DNAH17: variants seen among roughly 807,000 people sequenced by gnomAD.
DNAH17 encodes axonemal beta dynein heavy chain 17.
In DNAH17, 376 loss-of-function variants were observed where a neutral mutation model predicts 485.6. That is an observed-to-expected ratio of 0.77 (90% confidence interval 0.71 to 0.84). The LOEUF (loss-of-function observed/expected upper bound fraction) is 0.84. Among genes scored for constraint, DNAH17 ranks in the 40% least tolerant of loss-of-function variants. The pLI, the probability that DNAH17 is intolerant of heterozygous loss-of-function variation, is 0.00. For missense variants in DNAH17, 6,370 were observed against 5,839.3 expected (o/e 1.09, Z -2.96); for synonymous variants, 3,031 against 2,405.9 (o/e 1.26, Z -7.60).
At chr17:78,560,578 C>T (rs1391446743) in intron 13 of DNAH17, among the ~76,000 whole-genome samples, 162 bp downstream of exon 13, 1 of 152,148 alleles carries the variant, frequency 6.6e-6, no homozygotes, top group African/African-American at 2.4e-5. Flanking sequence ...CTTCTGCTTT[C>T]CCTCATGTCT....
intron 25 of DNAH17, among the ~76,000 whole-genome samples, chr17:78,515,271 G>C (rs2090750916): frequency 6.6e-6 from 1 of 152,222 alleles, no homozygotes; most frequent in Non-Finnish European, 1.5e-5. Flanking sequence ...TACTTTGGGA[G>C]GCCGAGGTGA....
chr17:78,573,062 G>A (rs1021724134), intron 2 of DNAH17, among the ~76,000 whole-genome samples, 168 bp from the exon 3 acceptor site: 7 of 152,150 alleles, frequency 4.6e-5, no homozygotes, highest in Middle Eastern at 3.2e-3. Context: ...CCTGGTGTCT[G>A]GAGCCCTGGG....
rs148192187 is a variant in DNAH17, at chr17:78,455,412, G to A, written c.10170+232C>T. 9.7e-3 allele frequency among the ~76,000 whole-genome samples: 1,462 copies of A among 151,408 alleles called. 20 individuals carry two copies. Among genetic ancestry groups the A allele is most frequent in the African/African-American group, 0.034 (1,403 of 41,244 alleles). On this transcript the variant is annotated intron_variant, in intron 63 of 80. Transcript: ENST00000389840. ...GTGATCTCTGCTCACTGCAACCTCC[G>A]CCTCCAAGGTTCAAGTGATTCTCCT...
chr17:78,503,121 C>T (rs1011780714), intron 31 of DNAH17, 110 bp from the exon 32 acceptor site: 1 of 1,326,718 alleles, frequency 7.5e-7, no homozygotes, highest in Non-Finnish European at 1.0e-6. Context: ...ATCCTCATCC[C>T]AGGGGCAGAC....
chr17:78,480,962 A>AT (rs1415276456), intron 48 of DNAH17, among the ~76,000 whole-genome samples, 176 bp from the exon 49 acceptor site: 2 of 151,328 alleles, frequency 1.3e-5, no homozygotes, highest in East Asian at 1.9e-4. Context: ...GCTTTGCCTA[A>AT]TTTTTTGCAT....
At chr17:78,521,922 G>A (rs2090944679) in intron 25 of DNAH17, among the ~76,000 whole-genome samples, 1 of 152,184 alleles carries the variant, frequency 6.6e-6, no homozygotes, top group African/African-American at 2.4e-5. Flanking sequence ...GGAGACAGAG[G>A]TTGCAGTGAG....
chr17:78,428,859 C>T (rs567479823), intron 76 of DNAH17, among the ~76,000 whole-genome samples, 152 bp from the exon 77 acceptor site: 5 of 151,096 alleles, frequency 3.3e-5, no homozygotes, highest in African/African-American at 7.3e-5. Context: ...TGGGCTGCCC[C>T]CTGTGCTCCC....
rs770673140 is a variant in DNAH17 at position 78,496,005 on chromosome 17, C to T, written c.5773G>A (p.Ala1925Thr). 9.3e-6 allele frequency: 15 copies of T among 1,613,754 alleles called. No individual in the cohort carries two copies. Among genetic ancestry groups the T allele is most frequent in the Middle Eastern group, 1.7e-4 (1 of 6,060 alleles). ...QVKCVQDAIR[A>T]KKKAFNFLGE... ...AGGAAATTGAATGCTTTTTTCTTGG[C>T]CCGAATTGCATCCTGGACACATTTT... Residue 1925 changes from alanine to threonine, a missense_variant, in exon 38 of 81, where the codon GCC becomes ACC. Ala to Thr is a moderately conservative substitution (Grantham distance 58). Transcript: ENST00000389840.
chr17:78,450,353 C>A lies in DNAH17; in HGVS notation c.10941G>T (p.Ala3647=), dbSNP rs35068504. The change falls in exon 68 of 81, where the codon GCG becomes GCT. Residue 3647 remains alanine, a synonymous_variant. Transcript: ENST00000389840. ...AKITEVKINE[A]RENYRPAAER... ...CCGCAGCCGGGCGGTAGTTCTCTCTCGCTTCGTTGATTTTAACTTCTGTGA... is the reference window on the plus strand; with the variant it reads ...CCGCAGCCGGGCGGTAGTTCTCTCTAGCTTCGTTGATTTTAACTTCTGTGA... The A allele has an allele frequency of 6.2e-7, 1 of 1,613,864 alleles. No individual in the cohort carries two copies. The highest frequency in any genetic ancestry group is 2.2e-5 in the East Asian group (1 of 44,896).
At position 78,440,292 on chromosome 17, in the gene DNAH17, G is replaced by A. The variant is rs139834127; in HGVS notation, c.11677+759C>T. On this transcript the variant is annotated intron_variant, in intron 72 of 80. Coordinates refer to ENST00000389840, the MANE Select transcript of DNAH17 (RefSeq NM_173628.4). Reference sequence around the variant, plus strand: ...TTTTTTTTGAGACAGGGTCTTACTCGGTCGCCCAGGCTGGAGTGAAGTGGC... The same window carrying A: ...TTTTTTTTGAGACAGGGTCTTACTCAGTCGCCCAGGCTGGAGTGAAGTGGC... 1.1e-3 allele frequency among the ~76,000 whole-genome samples: 129 copies of A among 115,276 alleles called. 1 individual carries two copies. The East Asian group carries it at 0.013, about 11-fold the overall frequency. 75.6% of individuals were successfully genotyped at this position (115,276 alleles called of 152,430 possible). A position where few individuals can be genotyped will look rare whatever the true frequency, so the allele number is the denominator to read the frequency against.
intron 79 of DNAH17, 155 bp from the exon 80 acceptor site, chr17:78,425,726 C>A: frequency 1.8e-6 from 1 of 547,844 alleles, no homozygotes; most frequent in Non-Finnish European, 3.0e-6. Flanking sequence ...TGGAGCCCAG[C>A]CACCTACCAT....
At chr17:78,502,003 C>T (rs909592322) in intron 33 of DNAH17, 130 bp from the exon 34 acceptor site, 6 of 1,362,148 alleles carry the variant, frequency 4.4e-6, no homozygotes, top group African/African-American at 4.3e-5. Flanking sequence ...AAAACAAGAG[C>T]GCCCTCGGTA....
At chr17:78,555,982 C>T (rs1234905315) in intron 14 of DNAH17, among the ~76,000 whole-genome samples, 1 of 152,186 alleles carries the variant, frequency 6.6e-6, no homozygotes, top group Non-Finnish European at 1.5e-5. Flanking sequence ...CACCTGCTTT[C>T]CTGAGTTTCC....
rs142198909 is a variant in DNAH17 at position 78,428,923 on chromosome 17, TTAAAA to T, written c.12405+193_12405+197del. Reference sequence around the variant, plus strand: ...CTTCCCTGAGGCTGCATTTCTTTCTTTAAAAAAAAAAAAAAAAAAAAAAGGTTGTT... The same window carrying T: ...CTTCCCTGAGGCTGCATTTCTTTCTTAAAAAAAAAAAAAAAAAAGGTTGTT... On this transcript the variant is annotated intron_variant, in intron 76 of 80. Transcript: ENST00000389840. Among the ~76,000 whole-genome samples, 18,499 of 79,064 alleles carry T rather than the reference TTAAAA, an allele frequency of 0.23. 1,360 individuals carry two copies. Among genetic ancestry groups the T allele is most frequent in the South Asian group, 0.3 (640 of 2,102 alleles). The allele number at this position is 79,064 out of a possible 152,430, so 51.9% of individuals were successfully genotyped here.
Position 78,451,669 on chromosome 17 carries a change from T to C in DNAH17, c.10534A>G (p.Ile3512Val). The C allele has an allele frequency of 1.3e-6, 2 of 1,564,620 alleles. No individual in the cohort carries two copies. Among genetic ancestry groups the C allele is most frequent in the Non-Finnish European group, 1.7e-6 (2 of 1,154,656 alleles). ...GRNTIKKGKYIKIGDKEVEYH... is the reference protein window; with the variant it reads ...GRNTIKKGKYVKIGDKEVEYH... Reference sequence around the variant, plus strand: ...TCCACCTCCTTGTCACCGATCTTAATGTACCTGGCGGTTGGTGGAGGAAAG... The same window carrying C: ...TCCACCTCCTTGTCACCGATCTTAACGTACCTGGCGGTTGGTGGAGGAAAG... Residue 3512 changes from isoleucine to valine, a missense_variant, in exon 66 of 81, where the codon ATT (isoleucine) becomes GTT (valine). By Grantham distance (29) the Ile-to-Val change is conservative (BLOSUM62 3). Transcript: ENST00000389840.
At position 78,466,607 on chromosome 17, in the gene DNAH17, T is replaced by C. The variant is rs772584488; in HGVS notation, c.8940+48A>G. On this transcript the variant is annotated intron_variant, in intron 56 of 80. Coordinates refer to ENST00000389840, the MANE Select transcript of DNAH17 (RefSeq NM_173628.4). ...AGGGAGCCAGCCCTTGGGCCTGTCCTTGTCCTCTGGGCTCTACACTCAGGC... is the reference window on the plus strand; with the variant it reads ...AGGGAGCCAGCCCTTGGGCCTGTCCCTGTCCTCTGGGCTCTACACTCAGGC... 1.1e-5 allele frequency: 17 copies of C among 1,542,744 alleles called. No individual in the cohort carries two copies. The South Asian group carries it at 2.1e-4, about 19-fold the overall frequency.
chr17:78,434,898 T>G (rs562628298), intron 74 of DNAH17, among the ~76,000 whole-genome samples: 1 of 152,112 alleles, frequency 6.6e-6, no homozygotes, highest in African/African-American at 2.4e-5. Context: ...GCACTCTGTG[T>G]GGGGGGAGGG....
intron 25 of DNAH17, among the ~76,000 whole-genome samples, chr17:78,523,968 A>C (rs1462921637): frequency 6.6e-6 from 1 of 152,234 alleles, no homozygotes; most frequent in Admixed American, 6.5e-5. Context: ...AGTCAGTAGG[A>C]AATACAAATG....
At position 78,501,731 on chromosome 17, in the gene DNAH17, GGC is replaced by G; in HGVS notation, c.5322+9_5322+10del. On this transcript the variant is annotated intron_variant, in intron 34 of 80. Transcript: ENST00000389840. ...CCCTTCCCCTGGCCCCTGGGACAGG[GGC>G]GCTCATGCCTTGGCCACGATCATTT... is the stretch of plus-strand genomic sequence containing the variant. 2 of 1,611,282 alleles carry G rather than the reference GGC, an allele frequency of 1.2e-6. No individual in the cohort carries two copies. The highest frequency in any genetic ancestry group is 1.3e-5 in the African/African-American group (1 of 75,030).
Sources: gnomAD v4.1 joint callset for allele counts (sites outside exome capture counted in the v4.1 genomes callset) on GRCh38, gnomAD v4.1.1 for gene constraint, MANE v1.5 for transcripts, NCBI Gene and HGNC (gene_info 2026-07-23, HGNC 2026-07-21) for gene names.